The following TNIK variants were observed in gnomAD, a reference collection of about 807,000 sequenced individuals.
TNIK encodes TRAF2 and NCK-interacting protein kinase.
Under a neutral mutation model 191.3 loss-of-function variants are expected in TNIK, and 49 were observed. That is an observed-to-expected ratio of 0.26 (90% CI 0.20 to 0.32). The LOEUF (loss-of-function observed/expected upper bound fraction) is 0.32, where lower values mean the gene tolerates loss of function less well. Ranked by LOEUF, TNIK falls within the 10% of genes least tolerant of loss-of-function variation. TNIK has a pLI of 1.00. For synonymous variants in TNIK, 594 were observed against 600.9 expected (o/e 0.99, Z 0.17); for missense variants, 1,155 against 1,702.3 (o/e 0.68, Z 5.66).
intron 12 of TNIK, 32 bp from the exon 13 acceptor site, chr3:171,140,541 C>T (rs1439046697): frequency 2.5e-6 from 4 of 1,606,924 alleles, no homozygotes; most frequent in East Asian, 2.2e-5. Flanking sequence ...ACCATGAAGG[C>T]AACAGGCCCC....
intron 10 of TNIK, among the ~76,000 whole-genome samples, chr3:171,163,108 G>T (rs745816299): frequency 2.6e-5 from 4 of 152,192 alleles, no homozygotes; most frequent in Non-Finnish European, 5.9e-5. Flanking sequence ...TGCATAATAT[G>T]TTCAGGAAAC....
At chr3:171,381,811 T>C (rs1464707279) in intron 1 of TNIK, among the ~76,000 whole-genome samples, 1 of 152,170 alleles carries the variant, frequency 6.6e-6, no homozygotes, top group East Asian at 1.9e-4. Context: ...TCTTCCTCCC[T>C]CCTCCTTCCT....
intron 2 of TNIK, among the ~76,000 whole-genome samples, chr3:171,292,885 C>T (rs773151763): frequency 9.2e-5 from 14 of 152,054 alleles, no homozygotes; most frequent in Non-Finnish European, 1.8e-4. Flanking sequence ...CCCTCTCACT[C>T]GCCAATGGCC....
Position 171,299,346 on chromosome 3 carries a change from A to G in TNIK, c.123+70274T>C, listed in dbSNP as rs116808237. ...TCCTGTGTGTGGGACTAGGGAGGCA[A>G]GGAGCTGATGGCATACTGATCTTGA... On this transcript the variant is annotated intron_variant, in intron 2 of 32. Transcript: ENST00000436636. Among the ~76,000 whole-genome samples the G allele has an allele frequency of 8.6e-3, 1,315 of 152,254 alleles. 32 individuals are homozygous for G. Among genetic ancestry groups the G allele is most frequent in the African/African-American group, 0.03 (1,259 of 41,542 alleles).
intron 2 of TNIK, among the ~76,000 whole-genome samples, chr3:171,318,825 A>G (rs1016832511): frequency 4.6e-5 from 7 of 152,142 alleles, no homozygotes; most frequent in African/African-American, 1.7e-4. Flanking sequence ...GTATCAACAC[A>G]TATCCCAATG....
chr3:171,458,067 G>A (rs1578006016), intron 1 of TNIK, among the ~76,000 whole-genome samples: 1 of 152,114 alleles, frequency 6.6e-6, no homozygotes, highest in African/African-American at 2.4e-5. Context: ...TTCCAGTAGA[G>A]GAGCAAGGTC....
intron 2 of TNIK, among the ~76,000 whole-genome samples, chr3:171,308,463 A>G (rs746785347): frequency 6.6e-6 from 1 of 152,212 alleles, no homozygotes; most frequent in East Asian, 1.9e-4. Context: ...AAATCCTTGA[A>G]GAAAACCCAG....
At chr3:171,390,448 C>G (rs976723489) in intron 1 of TNIK, among the ~76,000 whole-genome samples, 1 of 152,152 alleles carries the variant, frequency 6.6e-6, no homozygotes, top group African/African-American at 2.4e-5. Context: ...CTTTTTAAGG[C>G]CTTTCGTTCT....
At chr3:171,282,348 T>G (rs61401141) in intron 2 of TNIK, among the ~76,000 whole-genome samples, 4,856 of 142,754 alleles carry the variant, frequency 0.034, 351 homozygotes, top group African/African-American at 0.12. Context: ...TTTGTTTTTT[T>G]TTTTTTTTTT....
intron 2 of TNIK, among the ~76,000 whole-genome samples, chr3:171,280,850 T>G (rs1371803962): frequency 6.6e-6 from 1 of 152,158 alleles, no homozygotes; most frequent in East Asian, 1.9e-4. Context: ...AAAGTAAAAA[T>G]AGATATTTCT....
intron 2 of TNIK, among the ~76,000 whole-genome samples, chr3:171,317,962 A>G (rs1754813190): frequency 6.6e-6 from 1 of 152,164 alleles, no homozygotes; most frequent in African/African-American, 2.4e-5. Context: ...AGGAAAGGAA[A>G]CGTGTGTGCT....
chr3:171,291,031 T>C (rs1057280675), intron 2 of TNIK, among the ~76,000 whole-genome samples: 3 of 152,218 alleles, frequency 2.0e-5, no homozygotes, highest in Admixed American at 6.5e-5. Flanking sequence ...GCTTTTAGCA[T>C]TATTTTTTTA....
At chr3:171,355,683 G>A (rs1172283454) in intron 2 of TNIK, among the ~76,000 whole-genome samples, 1 of 152,194 alleles carries the variant, frequency 6.6e-6, no homozygotes, top group Non-Finnish European at 1.5e-5. Flanking sequence ...CTGGGTTACT[G>A]ATGTTATATA....
chr3:171,429,860 C>G (rs1318554578), intron 1 of TNIK, among the ~76,000 whole-genome samples: 1 of 152,156 alleles, frequency 6.6e-6, no homozygotes, highest in Non-Finnish European at 1.5e-5. Context: ...TGGTTTGCAG[C>G]ATTCCTCCCC....
chr3:171,107,427 C>T (rs540069951), intron 20 of TNIK, among the ~76,000 whole-genome samples: 8 of 152,040 alleles, frequency 5.3e-5, no homozygotes, highest in South Asian at 2.1e-4. Flanking sequence ...AAAAGCTTCA[C>T]GTTCATTTTA....
intron 12 of TNIK, among the ~76,000 whole-genome samples, chr3:171,148,196 T>C (rs937665298): frequency 6.6e-6 from 1 of 152,194 alleles, no homozygotes; most frequent in Non-Finnish European, 1.5e-5. Flanking sequence ...AGGCCAACTT[T>C]TGATTAGCAG....
intron 11 of TNIK, among the ~76,000 whole-genome samples, chr3:171,158,229 G>A (rs569197872): frequency 6.6e-6 from 1 of 152,306 alleles, no homozygotes; most frequent in South Asian, 2.1e-4. Context: ...AGCCTGCTGA[G>A]TCCAAGTCAG....
Position 171,298,975 on chromosome 3 carries a change from C to T in TNIK, c.123+70645G>A, listed in dbSNP as rs369438708. ...GTGACCTTGCACATCCCCTTATAGGCCATAGAGGCAAAGCTTAGCCACAGT... is the reference window on the plus strand; with the variant it reads ...GTGACCTTGCACATCCCCTTATAGGTCATAGAGGCAAAGCTTAGCCACAGT... On this transcript the variant is annotated intron_variant, in intron 2 of 32. Coordinates refer to ENST00000436636, the MANE Select transcript of TNIK (RefSeq NM_015028.4). Among the ~76,000 whole-genome samples the T allele has an allele frequency of 7.2e-4, 110 of 152,198 alleles. 1 individual carries two copies. In the South Asian group the frequency reaches 0.021, roughly 29 times the overall value.
intron 1 of TNIK, among the ~76,000 whole-genome samples, chr3:171,383,250 C>T (rs1322853433): frequency 2.0e-5 from 3 of 152,228 alleles, no homozygotes; most frequent in Admixed American, 1.3e-4. Context: ...GCTGACTACA[C>T]CTACATGGCC....
Sources: allele counts gnomAD v4.1 joint callset (sites outside exome capture counted in the v4.1 genomes callset), GRCh38; gene constraint gnomAD v4.1.1; transcripts MANE v1.5; gene names NCBI Gene and HGNC (gene_info 2026-07-23, HGNC 2026-07-21).